The following ACLY variants were observed in gnomAD, a reference collection of about 807,000 sequenced individuals.
The protein encoded by ACLY is ATP citrate lyase.
In ACLY, 41 loss-of-function variants were observed where a neutral mutation model predicts 133.0. The observed-to-expected ratio is 0.31, with a 90% CI of 0.24 to 0.40. The LOEUF (loss-of-function observed/expected upper bound fraction) is 0.40. Ranked by LOEUF, ACLY falls within the 10% of genes least tolerant of loss-of-function variation. The pLI is 1.00. For missense variants in ACLY, 1,046 were observed against 1,453.8 expected (o/e 0.72, Z 4.56); for synonymous variants, 495 against 549.3 (o/e 0.90, Z 1.38).
At chr17:41,898,146 C>CT (rs1555630795) in intron 12 of ACLY, among the ~76,000 whole-genome samples, 1 of 152,204 alleles carries the variant, frequency 6.6e-6, no homozygotes, top group African/African-American at 2.4e-5. Context: ...AATTCTCACT[C>CT]TGTTGCTCAG....
At chr17:41,916,202 G>C (rs2050047361) in intron 1 of ACLY, among the ~76,000 whole-genome samples, 1 of 152,110 alleles carries the variant, frequency 6.6e-6, no homozygotes, top group South Asian at 2.1e-4. Flanking sequence ...AGAGCATTCT[G>C]GCTTAGAGAC....
intron 2 of ACLY, 30 bp from the exon 3 acceptor site, chr17:41,912,572 G>A (rs781983512): frequency 2.5e-6 from 4 of 1,613,556 alleles, no homozygotes; most frequent in Non-Finnish European, 3.4e-6. Flanking sequence ...TATTTAGAGT[G>A]AGGAAGAATT....
chr17:41,894,420 C>T (rs1165798656), intron 14 of ACLY, among the ~76,000 whole-genome samples: 2 of 144,432 alleles, frequency 1.4e-5, no homozygotes, highest in African/African-American at 5.1e-5. Context: ...ACAAAAGGAG[C>T]TGGTAGAAGT....
At position 41,883,114 on chromosome 17, in the gene ACLY, A is replaced by G; in HGVS notation, c.2265+8T>C. On this transcript the variant is annotated splice_region_variant and intron_variant, in intron 20 of 28. Transcript: ENST00000352035. ...TCCCAGCCCAGAAGTGACCCATCTCAGCCATACCTCAGAGGAGAACATGGT... is the reference window on the plus strand; with the variant it reads ...TCCCAGCCCAGAAGTGACCCATCTCGGCCATACCTCAGAGGAGAACATGGT... The G allele has an allele frequency of 1.2e-6, 2 of 1,611,424 alleles. No individual in the cohort carries two copies. The highest frequency in any genetic ancestry group is 1.7e-6 in the Non-Finnish European group (2 of 1,178,344).
chr17:41,898,605 T>C, intron 12 of ACLY, 26 bp downstream of exon 12: 1 of 1,610,142 alleles, frequency 6.2e-7, no homozygotes, highest in Non-Finnish European at 8.5e-7. Context: ...TTCCTTCCTG[T>C]AAGGTTTGGG....
chr17:41,909,377 C>T, intron 5 of ACLY, 133 bp downstream of exon 5: 1 of 978,918 alleles, frequency 1.0e-6, no homozygotes, highest in Non-Finnish European at 1.5e-6. Context: ...ACCCAGCTGT[C>T]TTCCTCAGGA....
chr17:41,919,510 A>T (rs1420739622), upstream of ACLY, among the ~76,000 whole-genome samples: 2 of 152,126 alleles, frequency 1.3e-5, no homozygotes, highest in African/African-American at 2.4e-5. Flanking sequence ...GACTCTCCCC[A>T]CTGGGCCGAT....
At chr17:41,901,015 C>T (rs2049522822) in intron 11 of ACLY, among the ~76,000 whole-genome samples, 2 of 151,824 alleles carry the variant, frequency 1.3e-5, no homozygotes, top group South Asian at 4.2e-4. Context: ...AGTGCAGTGG[C>T]ATGATCACGG....
intron 8 of ACLY, among the ~76,000 whole-genome samples, chr17:41,906,102 AT>A (rs2049708286): frequency 6.6e-6 from 1 of 152,220 alleles, no homozygotes. Context: ...AAAACTGCTA[AT>A]TATTGTAAAG....
chr17:41,912,586 T>C, intron 2 of ACLY, 44 bp from the exon 3 acceptor site: 1 of 1,612,326 alleles, frequency 6.2e-7, no homozygotes, highest in Non-Finnish European at 8.5e-7. Flanking sequence ...AAGAATTAGA[T>C]AAACCGTAGT....
In ACLY at chr17:41,913,602, C is replaced by T. The variant is rs2049965400; in HGVS notation, c.159+113G>A. 6 of 1,165,090 alleles carry T rather than the reference C, an allele frequency of 5.1e-6. No individual in the cohort carries two copies. In the East Asian group the frequency reaches 1.4e-4, roughly 27 times the overall value. The allele number at this position is 1,165,090 out of a possible 1,614,324, so 72.2% of individuals were successfully genotyped here. A position where few individuals can be genotyped will look rare whatever the true frequency, so the allele number is the denominator to read the frequency against. On this transcript the variant is annotated intron_variant, in intron 2 of 28. Coordinates refer to ENST00000352035, the MANE Select transcript of ACLY (RefSeq NM_001096.3). ...GCCCATGGCATGCTTCCCACAGCTG[C>T]TGCTGGCAGCCTCCAACCCCATGAC...
chr17:41,893,269 T>A (rs1388315269), intron 14 of ACLY, 95 bp from the exon 15 acceptor site: 1 of 1,390,316 alleles, frequency 7.2e-7, no homozygotes. Context: ...CCACGCCCCA[T>A]GTCCACAGGG....
chr17:41,922,931 T>C (rs1555635614), upstream of ACLY, among the ~76,000 whole-genome samples: 1 of 152,182 alleles, frequency 6.6e-6, no homozygotes, highest in East Asian at 1.9e-4. Context: ...CCCAGCCTCC[T>C]CAAGTAAGAC....
intron 16 of ACLY, 113 bp from the exon 17 acceptor site, chr17:41,887,816 G>C (rs933753169): frequency 2.3e-6 from 2 of 854,600 alleles, no homozygotes; most frequent in African/African-American, 3.3e-5. Context: ...CAGGGTCCAA[G>C]AACAAAGTAA....
At chr17:41,916,610 CGTGAT>C (rs1567916812) in intron 1 of ACLY, among the ~76,000 whole-genome samples, 5 of 151,446 alleles carry the variant, frequency 3.3e-5, no homozygotes, top group Admixed American at 3.3e-4. Context: ...CTCCTGACCT[CGTGAT>C]CCACCCACCT....
intron 4 of ACLY, 88 bp downstream of exon 4, chr17:41,910,134 T>A (rs2049855499): frequency 7.4e-7 from 1 of 1,346,468 alleles, no homozygotes; most frequent in African/African-American, 1.4e-5. Context: ...ACTGTCCTCA[T>A]CAGCTTGACT....
At chr17:41,882,853 A>C (rs1380389043) in intron 20 of ACLY, among the ~76,000 whole-genome samples, 3 of 152,092 alleles carry the variant, frequency 2.0e-5, no homozygotes, top group African/African-American at 7.2e-5. Context: ...ATGCCATCTC[A>C]ACTTCTCCAG....
intron 16 of ACLY, among the ~76,000 whole-genome samples, chr17:41,890,193 A>G (rs987377972): frequency 2.6e-5 from 4 of 152,228 alleles, no homozygotes; most frequent in African/African-American, 7.2e-5. Flanking sequence ...CAAATCTAGA[A>G]AAGGGGGTAG....
At position 41,869,480 on chromosome 17, in the gene ACLY, G is replaced by A; in HGVS notation, c.3045C>T (p.Thr1015=). The change falls in exon 26 of 29, where the codon ACC becomes ACT. Residue 1015 remains threonine (T), a synonymous_variant. Transcript: ENST00000352035. ...GAAGTTTTTTCTTTGTTACCTTCGA[G>A]GTGGTAATCTTCTCTACTTCCAGTG... The part of the protein sequence containing the change: ...DYALEVEKIT[T]SKKPNLILNV... 1 of 1,612,906 alleles carries A rather than the reference G, an allele frequency of 6.2e-7. No homozygotes were observed. The highest frequency in any genetic ancestry group is 1.3e-5 in the African/African-American group (1 of 74,994).
Sources: allele counts gnomAD v4.1 joint callset (sites outside exome capture counted in the v4.1 genomes callset), GRCh38; gene constraint gnomAD v4.1.1; transcripts MANE v1.5; gene names NCBI Gene and HGNC (gene_info 2026-07-23, HGNC 2026-07-21).